The following RALY variants were observed in gnomAD, a reference collection of about 807,000 sequenced individuals.
RALY encodes the protein RNA-binding protein Raly.
In RALY, 15 loss-of-function variants were observed where a neutral mutation model predicts 30.7. The observed-to-expected ratio is 0.49, with a 90% CI of 0.33 to 0.75. The LOEUF (loss-of-function observed/expected upper bound fraction) is 0.75. Ranked by LOEUF, RALY falls within the 30% of genes least tolerant of loss-of-function variation. RALY has a pLI of 0.02. For missense variants in RALY, 339 were observed against 414.3 expected, an observed-to-expected ratio of 0.82 and a Z score of 1.58; for synonymous variants, 177 against 170.8, an observed-to-expected ratio of 1.04 and a Z score of -0.28.
At chr20:34,016,329 C>T (rs570070167) in intron 1 of RALY, 16 of 152,276 alleles carry the variant, frequency 1.1e-4, no homozygotes, top group South Asian at 4.1e-4. Context: ...GGATTCAGGC[C>T]GCTAGTATAA....
chr20:34,046,951 C>T (rs1290219293), intron 2 of RALY, among the ~76,000 whole-genome samples: 1 of 151,490 alleles, frequency 6.6e-6, no homozygotes, highest in Non-Finnish European at 1.5e-5. Context: ...TCCTGAGTAG[C>T]TGGGATTATA....
In RALY at chr20:34,052,368, A is replaced by T. The variant is rs116120978; in HGVS notation, c.-9-19698A>T. 4.8e-3 allele frequency among the ~76,000 whole-genome samples: 730 copies of T among 152,206 alleles called. 8 individuals are homozygous for T. The highest frequency in any genetic ancestry group is 0.017 in the African/African-American group (702 of 41,514). Reference sequence around the variant, plus strand: ...GTAACTGACTCAGTCCAGTTCTTTAATTTTTAAGATGAGGGAAGCTTAAGG... The same window carrying T: ...GTAACTGACTCAGTCCAGTTCTTTATTTTTTAAGATGAGGGAAGCTTAAGG... On this transcript the variant is annotated intron_variant, in intron 2 of 9. Coordinates refer to ENST00000246194, the MANE Select transcript of RALY (RefSeq NM_016732.3).
rs113387904 is a variant in RALY, at chr20:34,072,129, A to G, written c.55A>G (p.Ile19Val). 1,214 of 1,614,144 alleles carry G rather than the reference A, an allele frequency of 7.5e-4. 1 individual carries two copies. The highest frequency in any genetic ancestry group is 9.7e-4 in the Non-Finnish European group (1,143 of 1,180,056). Residue 19 changes from isoleucine to valine, a missense_variant, in exon 3 of 10, where the codon ATC becomes GTC. By Grantham distance (29) the Ile-to-Val change is conservative. This residue lies in a region of RALY where 71 missense variants were observed against 133.7 expected (regional missense o/e 0.53). Transcript: ENST00000246194. ...NVTNKNDPKS[I>V]NSRVFIGNLN... The stretch of plus-strand genomic sequence containing the variant: ...AACCAACAAGAATGACCCCAAGTCC[A>G]TCAACTCTCGAGTCTTCATTGGAAA...
At chr20:34,067,657 A>G (rs1249275255) in intron 2 of RALY, among the ~76,000 whole-genome samples, 1 of 152,078 alleles carries the variant, frequency 6.6e-6, no homozygotes, top group Non-Finnish European at 1.5e-5. Flanking sequence ...CATCCCTTTG[A>G]GCCGTAAATT....
intron 2 of RALY, among the ~76,000 whole-genome samples, chr20:34,057,862 A>G (rs1601485956): frequency 6.6e-6 from 1 of 152,244 alleles, no homozygotes; most frequent in East Asian, 1.9e-4. Context: ...GGAAATGTAT[A>G]TGCCTAATAG....
rs3831778 is a variant in RALY, at chr20:34,029,478, A to AAGGG, written c.-92-2013_-92-2010dup. Among the ~76,000 whole-genome samples, 432 of 56,166 alleles carry AAGGG rather than the reference A, an allele frequency of 7.7e-3. 20 individuals are homozygous for AAGGG. The highest frequency in any genetic ancestry group is 0.035 in the African/African-American group (232 of 6,560). 36.8% of individuals were successfully genotyped at this position (56,166 alleles called of 152,430 possible). A position where few individuals can be genotyped will look rare whatever the true frequency, so the allele number is the denominator to read the frequency against. On this transcript the variant is annotated intron_variant, in intron 1 of 9. Coordinates refer to ENST00000246194, the MANE Select transcript of RALY (RefSeq NM_016732.3). ...GAAGAAAGGAGGGAGGGAGGGAGGA[A>AAGGG]AGGGAGGGAGGGAGGGAGGGAGGGA...
intron 1 of RALY, among the ~76,000 whole-genome samples, chr20:34,012,083 AAAAG>A (rs1047198754): frequency 2.9e-4 from 44 of 151,764 alleles, no homozygotes; most frequent in Non-Finnish European, 5.2e-4. Context: ...AAAAAAAAGA[AAAAG>A]AAAAGAAGCA....
intron 2 of RALY, among the ~76,000 whole-genome samples, chr20:34,035,152 C>CAAAAAAAAAAAAAAA (rs61301033): frequency 6.1e-5 from 2 of 32,524 alleles, no homozygotes; most frequent in Non-Finnish European, 1.8e-4. Flanking sequence ...GACTCCATCT[C>CAAAAAAAAAAAAAAA]AAAAAAAAAA....
At chr20:34,025,387 C>T (rs897705602) in intron 1 of RALY, among the ~76,000 whole-genome samples, 1 of 151,922 alleles carries the variant, frequency 6.6e-6, no homozygotes, top group Non-Finnish European at 1.5e-5. Flanking sequence ...CTGCATCCTC[C>T]GCTGCCCGGG....
chr20:33,994,792 A>AG (rs2030522635), intron 1 of RALY, among the ~76,000 whole-genome samples: 1 of 152,172 alleles, frequency 6.6e-6, no homozygotes, highest in African/African-American at 2.4e-5. Flanking sequence ...TCGTGGATTC[A>AG]GGGAGGGAAC....
chr20:34,009,897 C>T (rs1177090798), intron 1 of RALY, among the ~76,000 whole-genome samples: 2 of 152,112 alleles, frequency 1.3e-5, no homozygotes, highest in Admixed American at 1.3e-4. Flanking sequence ...TACCTGCTTG[C>T]CACCAAGGTC....
intron 1 of RALY, among the ~76,000 whole-genome samples, chr20:34,028,795 G>A (rs1847279265): frequency 1.3e-5 from 2 of 150,056 alleles, no homozygotes; most frequent in Non-Finnish European, 3.0e-5. Flanking sequence ...ACTAGGCCTT[G>A]AAAATTAAGA....
chr20:34,084,475 C>T lies in RALY; in HGVS notation c.*4570C>T, dbSNP rs1207572631. 1 of 152,220 alleles carries T rather than the reference C, an allele frequency of 6.6e-6. No homozygotes were observed. Among genetic ancestry groups the T allele is most frequent in the Non-Finnish European group, 1.5e-5 (1 of 68,058 alleles). 9.4% of individuals were successfully genotyped at this position (152,220 alleles called of 1,614,324 possible). A position where few individuals can be genotyped will look rare whatever the true frequency, so the allele number is the denominator to read the frequency against. ...CATCCACTGTGTGGTTATGTCTATT[C>T]TATAGATTTTGTAGATGAGGTTTAA... On this transcript the variant is annotated 3_prime_UTR_variant, in exon 10 of 10. Coordinates refer to ENST00000246194, the MANE Select transcript of RALY (RefSeq NM_016732.3).
intron 1 of RALY, chr20:34,017,334 C>G (rs1316477024): frequency 2.0e-5 from 3 of 152,206 alleles, no homozygotes; most frequent in Non-Finnish European, 2.9e-5. Flanking sequence ...AGCATAATCT[C>G]TATTGTACTA....
At chr20:34,001,888 T>C (rs1426755086) in intron 1 of RALY, among the ~76,000 whole-genome samples, 1 of 152,132 alleles carries the variant, frequency 6.6e-6, no homozygotes. Context: ...TGCCTCAGCC[T>C]CCTGAGTAGC....
chr20:34,009,161 T>C (rs1490696783), intron 1 of RALY, among the ~76,000 whole-genome samples: 1 of 151,704 alleles, frequency 6.6e-6, no homozygotes, highest in African/African-American at 2.4e-5. Flanking sequence ...TTTATAAGAG[T>C]GGGGGTAGGC....
At chr20:34,003,450 A>G (rs1258937481) in intron 1 of RALY, among the ~76,000 whole-genome samples, 1 of 152,066 alleles carries the variant, frequency 6.6e-6, no homozygotes, top group Non-Finnish European at 1.5e-5. Flanking sequence ...GGGAGCAGGG[A>G]GAGTGATCTC....
At chr20:34,019,685 CT>C (rs909718189) in intron 1 of RALY, among the ~76,000 whole-genome samples, 1 of 152,180 alleles carries the variant, frequency 6.6e-6, no homozygotes, top group Non-Finnish European at 1.5e-5. Flanking sequence ...ACTTAGAATT[CT>C]GGGGGAGTGG....
chr20:34,016,695 A>G (rs2031619769), intron 1 of RALY: 1 of 152,262 alleles, frequency 6.6e-6, no homozygotes, highest in Non-Finnish European at 1.5e-5. Context: ...AAAAACCTAT[A>G]CTCATAAAGG....
Sources: allele counts gnomAD v4.1 joint callset (sites outside exome capture counted in the v4.1 genomes callset), GRCh38; gene constraint gnomAD v4.1.1; regional missense constraint gnomAD v4.1.1; transcripts MANE v1.5; gene names NCBI Gene and HGNC (gene_info 2026-07-23, HGNC 2026-07-21).